HOOK1: variants seen among roughly 807,000 people sequenced by gnomAD.
HOOK1 encodes hook microtubule tethering protein 1.
A neutral mutation model predicts 112.8 loss-of-function variants in HOOK1; 60 were observed. The ratio of observed to expected loss-of-function variants is 0.53; its 90% CI spans 0.43 to 0.66. The LOEUF (loss-of-function observed/expected upper bound fraction) is 0.66, where lower values mean the gene tolerates loss of function less well. Ranked by LOEUF, HOOK1 falls within the 30% of genes least tolerant of loss-of-function variation. The probability of loss-of-function intolerance (pLI) is 0.00; values close to 1 mark genes in which losing one functional copy is unlikely to be tolerated. For synonymous variants in HOOK1, 294 were observed against 283.8 expected, an observed-to-expected ratio of 1.04 and a Z score of -0.36; for missense variants, 770 against 856.0, an observed-to-expected ratio of 0.90 and a Z score of 1.25.
At chr1:59,828,632 T>C in intron 2 of HOOK1, 148 bp from the exon 3 acceptor site, 1 of 563,438 alleles carries the variant, frequency 1.8e-6, no homozygotes, top group Non-Finnish European at 3.1e-6. Flanking sequence ...TAACTTAATA[T>C]GATAAATTAT....
Position 59,814,966 on chromosome 1 carries a change from G to C in HOOK1, c.-152G>C, listed in dbSNP as rs1009431269. 1.6e-5 allele frequency: 11 copies of C among 709,326 alleles called. No homozygotes were observed. In the African/African-American group the frequency reaches 1.9e-4, roughly 12 times the overall value. The allele number at this position is 709,326 out of a possible 1,614,324, so 43.9% of individuals were successfully genotyped here. On this transcript the variant is annotated 5_prime_UTR_variant, in exon 1 of 22. Coordinates refer to ENST00000371208, the MANE Select transcript of HOOK1 (RefSeq NM_015888.6). ...AGGAGGGGGTGACGCCGGACGCGTC[G>C]ACAGCGCGAGGGTTCGCGCGTGAGC... is the stretch of plus-strand genomic sequence containing the variant.
chr1:59,854,424 G>A (rs966320454), intron 12 of HOOK1, among the ~76,000 whole-genome samples: 124 of 151,668 alleles, frequency 8.2e-4, no homozygotes, highest in African/African-American at 2.7e-3. Context: ...TCTCAGTAGT[G>A]TCCTTTTATT....
intron 12 of HOOK1, among the ~76,000 whole-genome samples, 153 bp downstream of exon 12, chr1:59,849,336 A>G (rs1336796623): frequency 6.6e-6 from 1 of 151,554 alleles, no homozygotes; most frequent in Non-Finnish European, 1.5e-5. Context: ...AATGACTTAC[A>G]TCTTCTTTCA....
intron 12 of HOOK1, among the ~76,000 whole-genome samples, chr1:59,851,660 T>C (rs1247693057): frequency 3.3e-5 from 5 of 151,720 alleles, no homozygotes; most frequent in African/African-American, 1.2e-4. Context: ...TTTTTCTTGC[T>C]AAGTTGTACT....
At chr1:59,841,536 G>A (rs2098401011) in intron 8 of HOOK1, among the ~76,000 whole-genome samples, 1 of 152,262 alleles carries the variant, frequency 6.6e-6, no homozygotes, top group South Asian at 2.1e-4. Flanking sequence ...TGAAGTAAGT[G>A]TCTCAAGTAA....
intron 10 of HOOK1, among the ~76,000 whole-genome samples, 165 bp from the exon 11 acceptor site, chr1:59,848,150 T>C (rs150483612): frequency 2.9e-4 from 44 of 151,832 alleles, no homozygotes; most frequent in African/African-American, 8.9e-4. Context: ...CTAGAGTCTG[T>C]TTCCAAAGTT....
chr1:59,846,581 T>TCTTTCCTCCCTC lies in HOOK1; in HGVS notation c.789-463_789-462insTTTCCTCCCTCC, dbSNP rs2098404072. Among the ~76,000 whole-genome samples, 141 of 28,238 alleles carry TCTTTCCTCCCTC rather than the reference T, an allele frequency of 5.0e-3. 10 individuals are homozygous for TCTTTCCTCCCTC. The highest frequency in any genetic ancestry group is 5.1e-3 in the Admixed American group (14 of 2,726). The allele number at this position is 28,238 out of a possible 152,430, so 18.5% of individuals were successfully genotyped here. A position where few individuals can be genotyped will look rare whatever the true frequency, so the allele number is the denominator to read the frequency against. ...TTCCTTCCTTCCTTCCTTCCTTCCT[T>TCTTTCCTCCCTC]CCTTCCTCCCTCCTCCCTCCCTCCC... is the stretch of plus-strand genomic sequence containing the variant. On this transcript the variant is annotated intron_variant, in intron 9 of 21. Transcript: ENST00000371208.
In HOOK1 at chr1:59,845,814, G is replaced by A. The variant is rs192656356; in HGVS notation, c.789-1231G>A. ...ATAACTGTCTTTATAATAGATATTG[G>A]TCTAAATTTTGTCTCTTGTAATGTC... On this transcript the variant is annotated intron_variant, in intron 9 of 21. Coordinates refer to ENST00000371208, the MANE Select transcript of HOOK1 (RefSeq NM_015888.6). Among the ~76,000 whole-genome samples the A allele has an allele frequency of 1.6e-4, 25 of 151,742 alleles. 1 individual carries two copies. Among genetic ancestry groups the A allele is most frequent in the Admixed American group, 1.6e-3 (24 of 15,186 alleles).
intron 1 of HOOK1, among the ~76,000 whole-genome samples, chr1:59,815,604 C>T (rs946721724): frequency 1.4e-4 from 22 of 151,988 alleles, no homozygotes; most frequent in African/African-American, 5.3e-4. Context: ...CTTTCCGAAA[C>T]CTAACCCTGC....
chr1:59,856,044 G>A lies in HOOK1; in HGVS notation c.1243-2384G>A, dbSNP rs1269740252. 4.7e-5 allele frequency among the ~76,000 whole-genome samples: 6 copies of A among 127,616 alleles called. No homozygotes were observed. In the South Asian group the frequency reaches 1.5e-3, roughly 31 times the overall value. 83.7% of individuals were successfully genotyped at this position (127,616 alleles called of 152,430 possible). On this transcript the variant is annotated intron_variant, in intron 12 of 21. Transcript: ENST00000371208. ...AGGGTTTGCCATGTTGCCCAGGCTG[G>A]TCAAGCTCCTGGGAATCTGCCCACC...
chr1:59,848,960 G>A (rs1484322425), intron 11 of HOOK1, 113 bp from the exon 12 acceptor site: 1 of 509,750 alleles, frequency 2.0e-6, no homozygotes, highest in Non-Finnish European at 3.5e-6. Flanking sequence ...TGCAATTTTA[G>A]TGTAGATATT....
At chr1:59,853,057 C>A (rs535548725) in intron 12 of HOOK1, among the ~76,000 whole-genome samples, 1 of 151,924 alleles carries the variant, frequency 6.6e-6, no homozygotes, top group African/African-American at 2.4e-5. Flanking sequence ...ATGGTCTGTT[C>A]TGCAGAGTGT....
At chr1:59,843,734 A>C in intron 9 of HOOK1, 136 bp downstream of exon 9, 1 of 657,730 alleles carries the variant, frequency 1.5e-6, no homozygotes, top group Non-Finnish European at 2.5e-6. Flanking sequence ...AAAATACCAG[A>C]TGGTATAAGT....
At chr1:59,862,149 T>G (rs1447276562) in intron 15 of HOOK1, among the ~76,000 whole-genome samples, 1 of 152,198 alleles carries the variant, frequency 6.6e-6, no homozygotes. Flanking sequence ...AATAGATAAT[T>G]GCTATATTAT....
intron 12 of HOOK1, among the ~76,000 whole-genome samples, chr1:59,850,985 G>C (rs1345670488): frequency 6.6e-6 from 1 of 151,502 alleles, no homozygotes; most frequent in Non-Finnish European, 1.5e-5. Context: ...ATAAATGCAA[G>C]GGTTTATTTG....
chr1:59,859,259 T>C (rs2098412319), intron 14 of HOOK1, among the ~76,000 whole-genome samples: 1 of 152,132 alleles, frequency 6.6e-6, no homozygotes, highest in African/African-American at 2.4e-5. Flanking sequence ...TTGAATAACA[T>C]ATTTTAGTTT....
At chr1:59,834,241 G>C (rs183148316) in intron 5 of HOOK1, among the ~76,000 whole-genome samples, 168 of 152,206 alleles carry the variant, frequency 1.1e-3, no homozygotes, top group Admixed American at 3.3e-3. Context: ...GAATAATGTT[G>C]AGTGCTTAAG....
In HOOK1 at chr1:59,815,094, G is replaced by T; in HGVS notation, c.-24G>T. The T allele has an allele frequency of 3.9e-6, 6 of 1,538,220 alleles. No individual in the cohort carries two copies. Among genetic ancestry groups the T allele is most frequent in the African/African-American group, 1.4e-5 (1 of 73,074 alleles). The stretch of plus-strand genomic sequence containing the variant: ...AGGAGGGAGTGTGAAGGTGTCCGCG[G>T]CGTCGTCGACGGCGGCGCCGGCCAT... On this transcript the variant is annotated 5_prime_UTR_variant, in exon 1 of 22. Transcript: ENST00000371208.
At chr1:59,823,837 G>GTCT (rs1470799164) in intron 2 of HOOK1, among the ~76,000 whole-genome samples, 4 of 152,110 alleles carry the variant, frequency 2.6e-5, no homozygotes, top group Non-Finnish European at 5.9e-5. Context: ...GTCTGTAACA[G>GTCT]TCTTCTAAGA....
Sources: allele counts gnomAD v4.1 joint callset (sites outside exome capture counted in the v4.1 genomes callset), GRCh38; gene constraint gnomAD v4.1.1; transcripts MANE v1.5; gene names NCBI Gene and HGNC (gene_info 2026-07-23, HGNC 2026-07-21).